C4orf36: variants seen among roughly 807,000 people sequenced by gnomAD.
The protein encoded by C4orf36 is chromosome 4 open reading frame 36.
A neutral mutation model predicts 12.2 loss-of-function variants in C4orf36; 11 were observed. That is an observed-to-expected ratio of 0.90 (90% CI 0.57 to 1.49). The LOEUF is 1.49. C4orf36 is among the 40% of genes most tolerant of loss of function. The pLI is 0.00. For synonymous variants in C4orf36, 54 were observed against 51.3 expected (o/e 1.05, Z -0.22); for missense variants, 137 against 133.9 (o/e 1.02, Z -0.11).
the C4orf36 span, among the ~76,000 whole-genome samples, chr4:86,922,523 T>A: frequency 6.6e-6 from 1 of 152,220 alleles, no homozygotes; most frequent in African/African-American, 2.4e-5. Context: ...ATTTCTCATT[T>A]GCCAGCTGGT....
upstream of C4orf36, among the ~76,000 whole-genome samples, chr4:86,893,537 G>C (rs1747506759): frequency 6.6e-6 from 1 of 151,126 alleles, no homozygotes. Context: ...AGTGAGCCGA[G>C]ATGGCGCCAC....
chr4:86,892,070 C>T, intron 1 of C4orf36, 113 bp downstream of exon 1: 2 of 985,858 alleles, frequency 2.0e-6, no homozygotes, highest in Non-Finnish European at 2.4e-6. Flanking sequence ...TACCCTTCCC[C>T]GGACGGACGC....
the C4orf36 span, among the ~76,000 whole-genome samples, chr4:86,909,380 T>C: frequency 2.0e-5 from 3 of 152,182 alleles, no homozygotes; most frequent in African/African-American, 7.2e-5. Context: ...AGTGGTCTCC[T>C]GTGTCAGCAC....
chr4:86,909,819 G>A, the C4orf36 span, among the ~76,000 whole-genome samples: 605 of 145,210 alleles, frequency 4.2e-3, 1 homozygote, highest in African/African-American at 0.012. Context: ...CAAGCTCTTC[G>A]CCCAGAAAGA....
At chr4:86,917,437 G>C in the C4orf36 span, among the ~76,000 whole-genome samples, 1 of 140,136 alleles carries the variant, frequency 7.1e-6, no homozygotes, top group African/African-American at 2.6e-5. Context: ...GAAAAAGAAA[G>C]GGAGAGAAAG....
chr4:86,894,041 C>A (rs1235728700), upstream of C4orf36, among the ~76,000 whole-genome samples: 1 of 151,882 alleles, frequency 6.6e-6, no homozygotes, highest in Non-Finnish European at 1.5e-5. Flanking sequence ...GGACTACAGG[C>A]GCCCGCCACC....
rs1747405935 is a variant in C4orf36 at position 86,891,366 on chromosome 4, GCA to G, written c.65+88_65+89del. 4.1e-6 allele frequency: 5 copies of G among 1,206,266 alleles called. No individual in the cohort carries two copies. In the East Asian group the frequency reaches 1.2e-4, roughly 28 times the overall value. 74.7% of individuals were successfully genotyped at this position (1,206,266 alleles called of 1,614,324 possible). ...CACATAGCCCAGTATCTCATGGGGAGCACAGAGTGTCCAGTCCTTTTATTTAA... is the reference window on the plus strand; with the variant it reads ...CACATAGCCCAGTATCTCATGGGGAGCAGAGTGTCCAGTCCTTTTATTTAA... On this transcript the variant is annotated intron_variant, in intron 2 of 4. Coordinates refer to ENST00000295898, the MANE Select transcript of C4orf36 (RefSeq NM_144645.4).
At chr4:86,904,099 G>T in the C4orf36 span, among the ~76,000 whole-genome samples, 1 of 152,212 alleles carries the variant, frequency 6.6e-6, no homozygotes, top group Non-Finnish European at 1.5e-5. Context: ...TCACTGGCAC[G>T]CTGGCACTCG....
At chr4:86,881,473 T>C (rs1464642304) in intron 4 of C4orf36, among the ~76,000 whole-genome samples, 1 of 152,146 alleles carries the variant, frequency 6.6e-6, no homozygotes, top group Non-Finnish European at 1.5e-5. Context: ...GGTGGGACCA[T>C]AGGCAGCTAT....
chr4:86,924,866 A>G, the C4orf36 span: 1 of 152,174 alleles, frequency 6.6e-6, no homozygotes, highest in Non-Finnish European at 1.5e-5. Flanking sequence ...AAGAGGTTTA[A>G]TTTACTCATG....
the C4orf36 span, among the ~76,000 whole-genome samples, chr4:86,928,457 A>G: frequency 6.6e-6 from 1 of 152,158 alleles, no homozygotes; most frequent in African/African-American, 2.4e-5. Context: ...ACCCACCCAG[A>G]AGCCAGTTTC....
At chr4:86,920,313 C>A in the C4orf36 span, among the ~76,000 whole-genome samples, 2 of 152,192 alleles carry the variant, frequency 1.3e-5, no homozygotes, top group Admixed American at 1.3e-4. Flanking sequence ...TCTTCTTCTT[C>A]TGAGCCCTCA....
At chr4:86,904,359 A>G in the C4orf36 span, among the ~76,000 whole-genome samples, 29 of 152,306 alleles carry the variant, frequency 1.9e-4, no homozygotes, top group East Asian at 2.5e-3. Flanking sequence ...GGGCCCTCAT[A>G]GCGCAGCGGC....
intron 4 of C4orf36, among the ~76,000 whole-genome samples, chr4:86,884,775 C>A (rs1292821530): frequency 6.6e-6 from 1 of 152,112 alleles, no homozygotes; most frequent in Non-Finnish European, 1.5e-5. Context: ...AAGTCCTTGC[C>A]CATGCCTATG....
chr4:86,897,754 G>GAT, the C4orf36 span, among the ~76,000 whole-genome samples: 48,499 of 151,862 alleles, frequency 0.32, 8,239 homozygotes, highest in Non-Finnish European at 0.37. Flanking sequence ...CCTGTTCCAA[G>GAT]ATATAGCATG....
the C4orf36 span, among the ~76,000 whole-genome samples, chr4:86,922,607 C>T: frequency 3.3e-5 from 5 of 152,284 alleles, no homozygotes; most frequent in Middle Eastern, 3.4e-3. Flanking sequence ...AGCTGCCCTT[C>T]CTAGATCTCC....
chr4:86,908,196 C>T, the C4orf36 span, among the ~76,000 whole-genome samples: 5,154 of 150,626 alleles, frequency 0.034, 300 homozygotes, highest in African/African-American at 0.12. Context: ...CACACACACA[C>T]ACACACACAC....
At chr4:86,918,234 T>A in the C4orf36 span, among the ~76,000 whole-genome samples, 2 of 152,102 alleles carry the variant, frequency 1.3e-5, no homozygotes, top group Admixed American at 1.3e-4. Context: ...ACATATGAAT[T>A]TTGGGGGGGA....
chr4:86,920,198 T>C, the C4orf36 span, among the ~76,000 whole-genome samples: 2 of 152,220 alleles, frequency 1.3e-5, no homozygotes, highest in Non-Finnish European at 2.9e-5. Context: ...CTCTTTTCCA[T>C]GTAAGACCTC....
Sources: allele counts gnomAD v4.1 joint callset (sites outside exome capture counted in the v4.1 genomes callset), GRCh38; gene constraint gnomAD v4.1.1; transcripts MANE v1.5; gene names NCBI Gene and HGNC (gene_info 2026-07-23, HGNC 2026-07-21).